CD200: variants seen among roughly 807,000 people sequenced by gnomAD.
CD200 encodes CD200 molecule, also known as OX-2 membrane glycoprotein.
Under a neutral mutation model 30.9 loss-of-function variants are expected in CD200, and 15 were observed. That is an observed-to-expected ratio of 0.49 (90% confidence interval 0.32 to 0.75). The LOEUF is 0.75. Among genes scored for constraint, CD200 ranks in the 30% least tolerant of loss-of-function variants. The probability of loss-of-function intolerance (pLI) is 0.03; values close to 1 mark genes in which losing one functional copy is unlikely to be tolerated. For missense variants in CD200, 262 were observed against 324.2 expected (o/e 0.81, Z 1.47); for synonymous variants, 134 against 126.2 (o/e 1.06, Z -0.41).
intron 5 of CD200, among the ~76,000 whole-genome samples, chr3:112,358,617 G>A (rs974524648): frequency 4.6e-5 from 7 of 152,212 alleles, no homozygotes; most frequent in Non-Finnish European, 8.8e-5. Flanking sequence ...CTGTAAGGAT[G>A]TGTATAAATG....
At chr3:112,361,360 TAAAGA>T (rs2081738127) in intron 5 of CD200, among the ~76,000 whole-genome samples, 178 bp from the exon 6 acceptor site, 1 of 152,194 alleles carries the variant, frequency 6.6e-6, no homozygotes, top group African/African-American at 2.4e-5. Flanking sequence ...TTTGTTCTTG[TAAAGA>T]GTCATAGTCC....
At chr3:112,342,389 CTTTCTTTCT>C (rs2081280968) in intron 2 of CD200, among the ~76,000 whole-genome samples, 1 of 47,202 alleles carries the variant, frequency 2.1e-5, no homozygotes, top group African/African-American at 7.7e-5. Flanking sequence ...TTCTTTCTTT[CTTTCTTTCT>C]TTCTTTCTTT....
chr3:112,358,519 T>C (rs2081672492), intron 5 of CD200, among the ~76,000 whole-genome samples: 1 of 152,232 alleles, frequency 6.6e-6, no homozygotes, highest in Non-Finnish European at 1.5e-5. Flanking sequence ...GAGAAACTGT[T>C]TTGCTTAGAC....
intron 5 of CD200, among the ~76,000 whole-genome samples, chr3:112,350,904 A>G (rs1181718269): frequency 6.6e-6 from 1 of 152,056 alleles, no homozygotes; most frequent in East Asian, 1.9e-4. Flanking sequence ...AATTCTTGTG[A>G]ATTTATAAAA....
intron 1 of CD200, among the ~76,000 whole-genome samples, chr3:112,340,537 G>T (rs1227175210): frequency 6.6e-6 from 1 of 152,208 alleles, no homozygotes; most frequent in East Asian, 1.9e-4. Flanking sequence ...TTTTTGGGAA[G>T]TGGATGCTGT....
intron 3 of CD200, 59 bp downstream of exon 3, chr3:112,345,347 G>A (rs1299464625): frequency 2.1e-6 from 3 of 1,409,190 alleles, no homozygotes; most frequent in East Asian, 2.3e-5. Flanking sequence ...AGAATGTTTG[G>A]AATATAGCCG....
At chr3:112,335,662 C>T (rs113427265) in intron 1 of CD200, among the ~76,000 whole-genome samples, 19 of 151,880 alleles carry the variant, frequency 1.3e-4, no homozygotes, top group African/African-American at 4.6e-4. Context: ...CACAGGGCGG[C>T]GAGACATCAT....
At chr3:112,361,309 A>G (rs937191668) in intron 5 of CD200, among the ~76,000 whole-genome samples, 5 of 151,900 alleles carry the variant, frequency 3.3e-5, no homozygotes, top group African/African-American at 7.3e-5. Context: ...GCCTCCTAAA[A>G]CACTGGGCTT....
intron 3 of CD200, among the ~76,000 whole-genome samples, 174 bp downstream of exon 3, chr3:112,345,462 C>T (rs1179175712): frequency 6.6e-5 from 10 of 152,160 alleles, no homozygotes; most frequent in Admixed American, 6.5e-4. Flanking sequence ...GTTCATGGGG[C>T]TACACTGAGT....
chr3:112,361,779 T>C lies in CD200; in HGVS notation c.*229T>C, dbSNP rs1408147049. On this transcript the variant is annotated 3_prime_UTR_variant, in exon 6 of 6. Transcript: ENST00000315711. ...AGGTCTGTTGTAGGACTTGATTTTG[T>C]AAAGCAATGCCATGTTATGTGGTTG... The C allele has an allele frequency of 1.5e-5, 9 of 596,956 alleles. No individual in the cohort carries two copies. The highest frequency in any genetic ancestry group is 2.4e-5 in the Non-Finnish European group (8 of 331,332). 37.0% of individuals were successfully genotyped at this position (596,956 alleles called of 1,614,324 possible).
chr3:112,332,829 ACAT>A (rs1425100301), upstream of CD200: 1 of 205,074 alleles, frequency 4.9e-6, no homozygotes, highest in East Asian at 1.2e-4. Context: ...CTTTGCCACT[ACAT>A]CAAGAGCTAA....
chr3:112,357,872 A>G (rs1185236342), intron 5 of CD200, among the ~76,000 whole-genome samples: 2 of 152,220 alleles, frequency 1.3e-5, no homozygotes, highest in East Asian at 3.8e-4. Context: ...ACTTTTAATA[A>G]AGACCAAAAC....
chr3:112,333,949 C>T (rs763505774), intron 1 of CD200: 1 of 984,954 alleles, frequency 1.0e-6, no homozygotes, highest in Non-Finnish European at 1.2e-6. Flanking sequence ...TATATGAAAT[C>T]CAAATACAAT....
At chr3:112,344,843 T>C in intron 2 of CD200, 119 bp from the exon 3 acceptor site, 1 of 763,420 alleles carries the variant, frequency 1.3e-6, no homozygotes, top group Non-Finnish European at 2.1e-6. Context: ...ATGTTTTCTT[T>C]TTTGCATTTT....
chr3:112,346,179 G>A (rs1341518834), intron 3 of CD200, among the ~76,000 whole-genome samples: 1 of 152,014 alleles, frequency 6.6e-6, no homozygotes, highest in Non-Finnish European at 1.5e-5. Flanking sequence ...AGAATCTTAT[G>A]TTGTTTCTTT....
At position 112,349,718 on chromosome 3, in the gene CD200, G is replaced by C; in HGVS notation, c.701G>C (p.Trp234Ser). 1 of 1,610,900 alleles carries C rather than the reference G, an allele frequency of 6.2e-7. No homozygotes were observed. The highest frequency in any genetic ancestry group is 8.5e-7 in the Non-Finnish European group (1 of 1,178,478). Residue 234 changes from tryptophan to serine, a missense_variant, in exon 5 of 6, where the codon TGG (tryptophan) becomes TCG (serine). Coordinates refer to ENST00000315711, the MANE Select transcript of CD200 (RefSeq NM_005944.7). ...DFKQTVNKGY[W>S]FSVPLLLSIV... ...CTTTCTTCAATATCTATAGGCTATT[G>C]GTTTTCAGTTCCGCTATTGCTAAGC...
chr3:112,345,917 T>C (rs560043487), intron 3 of CD200, among the ~76,000 whole-genome samples: 19 of 152,196 alleles, frequency 1.2e-4, no homozygotes, highest in Admixed American at 3.3e-4. Flanking sequence ...TCTTCTTAAC[T>C]GACACACAGC....
At chr3:112,342,320 T>C (rs1341637100) in intron 2 of CD200, among the ~76,000 whole-genome samples, 12,969 of 35,350 alleles carry the variant, frequency 0.37, 3,311 homozygotes, top group African/African-American at 0.46. Flanking sequence ...CTTCTTTCTT[T>C]CTTTCTTTCT....
At chr3:112,332,937 C>A, upstream of CD200, 2 of 525,986 alleles carry the variant, frequency 3.8e-6, no homozygotes, top group South Asian at 2.4e-5. Context: ...TTTTTTTTTC[C>A]AAACACTTTG....
Sources: allele counts gnomAD v4.1 joint callset (sites outside exome capture counted in the v4.1 genomes callset), GRCh38; gene constraint gnomAD v4.1.1; transcripts MANE v1.5; gene names NCBI Gene and HGNC (gene_info 2026-07-23, HGNC 2026-07-21).